The following WWTR1 variants were observed in gnomAD, a reference collection of about 807,000 sequenced individuals.
The protein encoded by WWTR1 is WW domain-containing transcription regulator protein 1.
In WWTR1, 13 loss-of-function variants were observed where a neutral mutation model predicts 40.1. That is an observed-to-expected ratio of 0.32 (90% CI 0.21 to 0.52). The LOEUF (loss-of-function observed/expected upper bound fraction) is 0.52. Ranked by LOEUF, WWTR1 falls within the 20% of genes least tolerant of loss-of-function variation. WWTR1 has a pLI of 0.97. For missense variants in WWTR1, 436 were observed against 523.1 expected, an observed-to-expected ratio of 0.83 and a Z score of 1.63; for synonymous variants, 230 against 210.1, an observed-to-expected ratio of 1.09 and a Z score of -0.82.
intron 6 of WWTR1, chr3:149,525,545 C>T (rs2107904029): frequency 6.6e-6 from 1 of 152,098 alleles, no homozygotes; most frequent in South Asian, 2.1e-4. Flanking sequence ...TTAATAGTGC[C>T]TGGGGGTTCA....
At chr3:149,536,901 G>A (rs1195126458) in intron 4 of WWTR1, among the ~76,000 whole-genome samples, 1 of 152,088 alleles carries the variant, frequency 6.6e-6, no homozygotes, top group Non-Finnish European at 1.5e-5. Context: ...TCCAGGTCCT[G>A]GTCCTCGAGG....
intron 6 of WWTR1, among the ~76,000 whole-genome samples, chr3:149,521,673 T>C (rs1379777970): frequency 6.6e-6 from 1 of 152,220 alleles, no homozygotes; most frequent in Non-Finnish European, 1.5e-5. Context: ...CAAATAAAAC[T>C]GAAGTTCTAC....
At chr3:149,629,267 T>C (rs899022704) in intron 2 of WWTR1, among the ~76,000 whole-genome samples, 1 of 152,228 alleles carries the variant, frequency 6.6e-6, no homozygotes, top group Non-Finnish European at 1.5e-5. Flanking sequence ...TCAGTCAAAC[T>C]AAAATATTTG....
At chr3:149,526,553 C>T (rs150853250) in intron 5 of WWTR1, among the ~76,000 whole-genome samples, 2 of 152,162 alleles carry the variant, frequency 1.3e-5, no homozygotes, top group African/African-American at 4.8e-5. Context: ...GGAAAAGAAA[C>T]GAGATTTCAG....
intron 2 of WWTR1, chr3:149,576,149 C>T (rs560958433): frequency 1.7e-4 from 78 of 455,844 alleles, no homozygotes; most frequent in African/African-American, 1.5e-3. Context: ...GACCAGTCGA[C>T]CTGACATCAG....
In WWTR1 at chr3:149,718,089, C is replaced by G. The variant is rs180982187; in HGVS notation, n.460-523G>C. Among the ~76,000 whole-genome samples, 46 of 152,256 alleles carry G rather than the reference C, an allele frequency of 3.0e-4. No individual in the cohort carries two copies. In the East Asian group the frequency reaches 8.5e-3, roughly 28 times the overall value. On this transcript the variant is annotated intron_variant and non_coding_transcript_variant, in intron 4 of 6. Transcript: ENST00000474080. ...AATTGCTTACTCTTTTATAATAACT[C>G]AATGACATTACCAAGTTACCAGACC...
chr3:149,679,226 G>C (rs1368707473), intron 1 of WWTR1, among the ~76,000 whole-genome samples: 1 of 152,188 alleles, frequency 6.6e-6, no homozygotes, highest in Non-Finnish European at 1.5e-5. Flanking sequence ...TGTTGGGTTG[G>C]CGATGAGCAT....
intron 3 of WWTR1, among the ~76,000 whole-genome samples, chr3:149,545,570 G>T (rs1301258301): frequency 6.6e-6 from 1 of 152,190 alleles, no homozygotes; most frequent in Non-Finnish European, 1.5e-5. Flanking sequence ...CACCCAGGCT[G>T]GAGTGCAGTG....
chr3:149,697,102 A>G (rs962158275), intron 1 of WWTR1, among the ~76,000 whole-genome samples: 4 of 152,196 alleles, frequency 2.6e-5, no homozygotes, highest in African/African-American at 9.7e-5. Flanking sequence ...GTTTATTTTT[A>G]TATTGCTATA....
In WWTR1 at chr3:149,663,767, G is replaced by C. The variant is rs538478740; in HGVS notation, c.-4+6021C>G. Among the ~76,000 whole-genome samples, 3 of 152,268 alleles carry C rather than the reference G, an allele frequency of 2.0e-5. No individual in the cohort carries two copies. The South Asian group carries it at 6.2e-4, about 32-fold the overall frequency. The stretch of plus-strand genomic sequence containing the variant: ...CTTGTTGAGAGCATAGTGACCTTTA[G>C]ATGATTTTGCCCATTCCTCTTTCAG... On this transcript the variant is annotated intron_variant, in intron 2 of 7. Transcript: ENST00000465804.
rs904170164 is a variant in WWTR1, at chr3:149,520,182, T to A, written c.*623A>T. 6.6e-6 allele frequency: 1 copy of A among 152,214 alleles called. No homozygotes were observed. Among genetic ancestry groups the A allele is most frequent in the African/African-American group, 2.4e-5 (1 of 41,462 alleles). The allele number at this position is 152,214 out of a possible 1,614,324, so 9.4% of individuals were successfully genotyped here. A position where few individuals can be genotyped will look rare whatever the true frequency, so the allele number is the denominator to read the frequency against. ...TGCTCTGCAGTAAAATAACGAAAGA[T>A]AAGCTACAATAGGACTGTGTGCCTT... On this transcript the variant is annotated 3_prime_UTR_variant, in exon 7 of 7. Transcript: ENST00000360632.
chr3:149,592,796 C>CG (rs1261217171), intron 2 of WWTR1, among the ~76,000 whole-genome samples: 1 of 152,000 alleles, frequency 6.6e-6, no homozygotes, highest in Admixed American at 6.6e-5. Flanking sequence ...TCCCTTGGTT[C>CG]GGGGTCACAG....
intron 1 of WWTR1, 188 bp from the exon 2 acceptor site, chr3:149,657,497 T>C (rs1713320855): frequency 1.5e-6 from 1 of 683,620 alleles, no homozygotes; most frequent in East Asian, 2.8e-5. Flanking sequence ...GAGGGGTCCC[T>C]CCTGGCCTCG....
chr3:149,526,725 C>T (rs1431020106), intron 5 of WWTR1, among the ~76,000 whole-genome samples: 2 of 152,094 alleles, frequency 1.3e-5, no homozygotes, highest in Non-Finnish European at 2.9e-5. Context: ...AATTTAAAAC[C>T]TCCATTAATT....
chr3:149,527,832 T>C lies in WWTR1; in HGVS notation c.905+4A>G. On this transcript the variant is annotated splice_donor_region_variant and intron_variant, in intron 5 of 6. Transcript: ENST00000360632. ...AAATAAGTGGCCCCCAAATATTAAC[T>C]TACCCATTGAGGAAAGGATCTGAGC... is the stretch of plus-strand genomic sequence containing the variant. 1 of 1,613,974 alleles carries C rather than the reference T, an allele frequency of 6.2e-7. No individual in the cohort carries two copies. The highest frequency in any genetic ancestry group is 1.1e-5 in the South Asian group (1 of 91,076).
At chr3:149,694,266 C>A (rs757539518) in intron 1 of WWTR1, among the ~76,000 whole-genome samples, 5 of 152,046 alleles carry the variant, frequency 3.3e-5, no homozygotes, top group Non-Finnish European at 7.4e-5. Flanking sequence ...TGGTGGCAGG[C>A]GCCTGTAATC....
chr3:149,622,530 A>AAAGAAAGAAAG (rs1223569780), intron 2 of WWTR1, among the ~76,000 whole-genome samples: 2 of 151,094 alleles, frequency 1.3e-5, no homozygotes, highest in Non-Finnish European at 3.0e-5. Flanking sequence ...AGAAAGAAAG[A>AAAGAAAGAAAG]AAGAAAGAAA....
chr3:149,522,720 T>G (rs1466548942), intron 6 of WWTR1, among the ~76,000 whole-genome samples: 2 of 152,074 alleles, frequency 1.3e-5, no homozygotes, highest in Non-Finnish European at 2.9e-5. Context: ...ATATAATTTT[T>G]AGCCAAGCAA....
chr3:149,574,406 C>A (rs1322399571), intron 2 of WWTR1, among the ~76,000 whole-genome samples: 1 of 152,152 alleles, frequency 6.6e-6, no homozygotes, highest in African/African-American at 2.4e-5. Flanking sequence ...GAATGTTAGC[C>A]CTTTGTTTTG....
Sources: allele counts gnomAD v4.1 joint callset (sites outside exome capture counted in the v4.1 genomes callset), GRCh38; gene constraint gnomAD v4.1.1; transcripts MANE v1.5; gene names NCBI Gene and HGNC (gene_info 2026-07-23, HGNC 2026-07-21).